BCAR3: variants seen among roughly 807,000 people sequenced by gnomAD.
The protein encoded by BCAR3 is BCAR3 adaptor protein, NSP family member.
Under a neutral mutation model 80.1 loss-of-function variants are expected in BCAR3, and 37 were observed. The observed-to-expected ratio is 0.46, with a 90% CI of 0.36 to 0.61. The LOEUF is 0.61. BCAR3 is among the 20% of genes least tolerant of loss of function. BCAR3 has a pLI of 0.00. For missense variants in BCAR3, 978 were observed against 1,068.2 expected (o/e 0.92, Z 1.18); for synonymous variants, 389 against 418.9 (o/e 0.93, Z 0.87).
chr1:93,692,885 T>C (rs1299495174), intron 3 of BCAR3, among the ~76,000 whole-genome samples: 1 of 152,150 alleles, frequency 6.6e-6, no homozygotes, highest in Non-Finnish European at 1.5e-5. Context: ...GATTTGGACT[T>C]TTGAACAGAG....
At chr1:93,781,738 TC>T (rs1652767917) in intron 2 of BCAR3, among the ~76,000 whole-genome samples, 1 of 152,202 alleles carries the variant, frequency 6.6e-6, no homozygotes, top group South Asian at 2.1e-4. Flanking sequence ...TCTCAAATCC[TC>T]CTATGCCTGT....
intron 2 of BCAR3, among the ~76,000 whole-genome samples, chr1:93,714,696 C>T (rs1258574399): frequency 2.0e-5 from 3 of 152,082 alleles, no homozygotes; most frequent in African/African-American, 7.2e-5. Flanking sequence ...ACAACTAAGA[C>T]CGCCTTTCTT....
intron 2 of BCAR3, among the ~76,000 whole-genome samples, chr1:93,656,588 C>T (rs938891677): frequency 2.7e-5 from 4 of 149,938 alleles, no homozygotes; most frequent in Admixed American, 2.7e-4. Context: ...TAGCCTGTAT[C>T]TGATATTCCA....
chr1:93,583,933 T>G, intron 6 of BCAR3, 85 bp downstream of exon 6: 13 of 1,354,626 alleles, frequency 9.6e-6, no homozygotes, highest in South Asian at 1.3e-5. Flanking sequence ...CGTTTTCGAA[T>G]GAGACAACTA....
intron 2 of BCAR3, among the ~76,000 whole-genome samples, chr1:93,832,341 C>T (rs541871172): frequency 1.2e-3 from 178 of 148,412 alleles, no homozygotes; most frequent in Non-Finnish European, 2.1e-3. Context: ...CTTCAAGTGC[C>T]GGAAATCTGG....
In BCAR3 at chr1:93,823,900, A is replaced by G. The variant is rs190018550; in HGVS notation, c.-63+21667T>C. Among the ~76,000 whole-genome samples the G allele has an allele frequency of 2.3e-5, 3 of 133,092 alleles. 1 individual carries two copies. The Admixed American group carries it at 2.4e-4, about 10-fold the overall frequency. The allele number at this position is 133,092 out of a possible 152,430, so 87.3% of individuals were successfully genotyped here. ...TTTTTAGTAGAGATGGGGTTTCACC[A>G]TGTTGGCCAGGATGGTCTCAATCTC... On this transcript the variant is annotated intron_variant, in intron 2 of 13. Coordinates refer to the BCAR3 transcript ENST00000370244.
chr1:93,731,622 T>A (rs532230791), intron 2 of BCAR3, among the ~76,000 whole-genome samples: 1 of 150,786 alleles, frequency 6.6e-6, no homozygotes, highest in South Asian at 2.1e-4. Flanking sequence ...CTCTGTCTTA[T>A]ATAAATAAAT....
chr1:93,604,579 T>C (rs1326054558), intron 3 of BCAR3, among the ~76,000 whole-genome samples: 1 of 152,238 alleles, frequency 6.6e-6, no homozygotes, highest in Non-Finnish European at 1.5e-5. Context: ...ATTAGAATCA[T>C]TGTGATAGGT....
In BCAR3 at chr1:93,563,833, C is replaced by G. The variant is rs535287508; in HGVS notation, c.2300-1414G>C. ...TCAGCCTCCCAAGTAGCTGGGACTACAGGTGTGTGCTACCACGCCTGGCTA... is the reference window on the plus strand; with the variant it reads ...TCAGCCTCCCAAGTAGCTGGGACTAGAGGTGTGTGCTACCACGCCTGGCTA... On this transcript the variant is annotated intron_variant, in intron 11 of 11. Coordinates refer to ENST00000260502, the MANE Select transcript of BCAR3 (RefSeq NM_003567.4). 5.3e-5 allele frequency among the ~76,000 whole-genome samples: 8 copies of G among 152,274 alleles called. No individual in the cohort carries two copies. The South Asian group carries it at 1.7e-3, about 32-fold the overall frequency.
intron 2 of BCAR3, among the ~76,000 whole-genome samples, chr1:93,663,415 G>C (rs1571020954): frequency 6.6e-6 from 1 of 152,112 alleles, no homozygotes; most frequent in Non-Finnish European, 1.5e-5. Context: ...AGAGAAGGCA[G>C]GTCCAAAGGA....
chr1:93,582,201 C>G, intron 7 of BCAR3, 100 bp downstream of exon 7: 1 of 1,437,090 alleles, frequency 7.0e-7, no homozygotes, highest in Non-Finnish European at 9.3e-7. Context: ...CCAGATGGAT[C>G]CCCTCCTTCC....
In BCAR3 at chr1:93,571,777, G is replaced by A. The variant is rs1557836909; in HGVS notation, c.1867C>T (p.Arg623Ter). ...ATGATCTTACTCAGAGTGGCCGCTC[G>A]GTCCTCCAAAGTGCCCGTGCATCCC... ...ILGCTGTLED[R>*]AATLSKIIQV... is the part of the protein sequence containing the mutation. Residue 623 changes from arginine to a stop codon, truncating the protein, a stop_gained, in exon 9 of 12, where the codon CGA becomes TGA. Coordinates refer to ENST00000260502, the MANE Select transcript of BCAR3 (RefSeq NM_003567.4). LOFTEE classifies it high-confidence loss of function. The A allele has an allele frequency of 3.1e-6, 5 of 1,613,958 alleles. No homozygotes were observed. The highest frequency in any genetic ancestry group is 2.2e-5 in the East Asian group (1 of 44,878).
Position 93,799,223 on chromosome 1 carries a change from GC to G in BCAR3, c.-63+46343del, listed in dbSNP as rs149042402. Reference sequence around the variant, plus strand: ...TCTATATTTTCCCCCGTGTTTTGGGGCTGGAACACCCAGGATGATGCCATGG... The same window carrying G: ...TCTATATTTTCCCCCGTGTTTTGGGGTGGAACACCCAGGATGATGCCATGG... On this transcript the variant is annotated intron_variant, in intron 2 of 13. Transcript: ENST00000370244. Among the ~76,000 whole-genome samples, 1,380 of 152,332 alleles carry G rather than the reference GC, an allele frequency of 9.1e-3. 48 individuals carry two copies. Among genetic ancestry groups the G allele is most frequent in the East Asian group, 0.057 (297 of 5,186 alleles).
At chr1:93,836,993 T>C (rs558023839) in intron 2 of BCAR3, among the ~76,000 whole-genome samples, 234 of 152,300 alleles carry the variant, frequency 1.5e-3, no homozygotes, top group African/African-American at 5.3e-3. Flanking sequence ...GCTGACTCTC[T>C]TTTCAGACTC....
chr1:93,716,370 T>G (rs1447157030), intron 2 of BCAR3, among the ~76,000 whole-genome samples: 2 of 152,238 alleles, frequency 1.3e-5, no homozygotes, highest in African/African-American at 4.8e-5. Context: ...GAACTGGGTA[T>G]TATTAGTTTC....
chr1:93,637,062 C>T (rs1459435484), intron 3 of BCAR3, among the ~76,000 whole-genome samples: 2 of 152,082 alleles, frequency 1.3e-5, no homozygotes, highest in African/African-American at 4.8e-5. Context: ...TGCTACTGCA[C>T]TCCAGCCTGG....
chr1:93,846,934 C>T lies in BCAR3; in HGVS notation c.-209+136G>A, dbSNP rs868402201. 4.7e-5 allele frequency: 21 copies of T among 448,948 alleles called. No individual in the cohort carries two copies. In the Middle Eastern group the frequency reaches 6.7e-3, roughly 143 times the overall value. 27.8% of individuals were successfully genotyped at this position (448,948 alleles called of 1,614,324 possible). The stretch of plus-strand genomic sequence containing the variant: ...AACCCAAACCCCGTTTTTCGAACCC[C>T]GCGCAAATAAACACGCACAAGCACG... On this transcript the variant is annotated intron_variant, in intron 1 of 13. Coordinates refer to the BCAR3 transcript ENST00000370244.
rs552368898 is a variant in BCAR3, at chr1:93,694,960, C to T, written c.-12+11132G>A. Among the ~76,000 whole-genome samples, 6 of 152,346 alleles carry T rather than the reference C, an allele frequency of 3.9e-5. No homozygotes were observed. In the South Asian group the frequency reaches 1.0e-3, roughly 26 times the overall value. ...TGCTCCACCTCAGCCTACACTCTGGCCCACCTGGGCCTTGTTATTCCCTGG... is the reference window on the plus strand; with the variant it reads ...TGCTCCACCTCAGCCTACACTCTGGTCCACCTGGGCCTTGTTATTCCCTGG... On this transcript the variant is annotated intron_variant, in intron 3 of 13. Coordinates refer to the BCAR3 transcript ENST00000370244.
intron 2 of BCAR3, among the ~76,000 whole-genome samples, chr1:93,728,096 C>T (rs1292056608): frequency 6.6e-6 from 1 of 152,252 alleles, no homozygotes; most frequent in Non-Finnish European, 1.5e-5. Flanking sequence ...TGTATCCCCA[C>T]TGACACTTTG....
Sources: allele counts gnomAD v4.1 joint callset (sites outside exome capture counted in the v4.1 genomes callset), GRCh38; gene constraint gnomAD v4.1.1; transcripts MANE v1.5; gene names NCBI Gene and HGNC (gene_info 2026-07-23, HGNC 2026-07-21).